Variants in PSTPIP1 observed in about 807,000 individuals in gnomAD.
The protein encoded by PSTPIP1 is proline-serine-threonine phosphatase interacting protein 1.
A neutral mutation model predicts 69.6 loss-of-function variants in PSTPIP1; 66 were observed. The ratio of observed to expected loss-of-function variants is 0.95; its 90% CI spans 0.78 to 1.16. The LOEUF is 1.16. Ranked by LOEUF, PSTPIP1 falls within the 50% of genes most tolerant of loss-of-function variation. The pLI is 0.00. For missense variants in PSTPIP1, 603 were observed against 557.4 expected, an observed-to-expected ratio of 1.08 and a Z score of -0.82; for synonymous variants, 266 against 222.7, an observed-to-expected ratio of 1.19 and a Z score of -1.73.
chr15:77,027,930 TG>T lies in PSTPIP1; in HGVS notation c.417+20del. On this transcript the variant is annotated intron_variant, in intron 6 of 14. Coordinates refer to ENST00000558012, the MANE Select transcript of PSTPIP1 (RefSeq NM_003978.5). This position sits in a 1 kb window ranked among gnomAD's most constrained non-coding sequence, Gnocchi z 4.3. ...GGCCATGGAGGTGAGCGCCAGGGCCTGGGGCCGCGGCCTTCCCTCGAGGAGC... is the reference window on the plus strand; with the variant it reads ...GGCCATGGAGGTGAGCGCCAGGGCCTGGGCCGCGGCCTTCCCTCGAGGAGC... 6.5e-7 allele frequency: 1 copy of T among 1,547,170 alleles called. No homozygotes were observed. Among genetic ancestry groups the T allele is most frequent in the Non-Finnish European group, 8.8e-7 (1 of 1,142,674 alleles).
chr15:77,031,225 GC>G lies in PSTPIP1; in HGVS notation c.691del (p.Leu231CysfsTer24). On this transcript the variant is annotated frameshift_variant, in exon 10 of 15. Coordinates refer to ENST00000558012, the MANE Select transcript of PSTPIP1 (RefSeq NM_003978.5). LOFTEE classifies it high-confidence loss of function. ...EFDRLTILRN[A>X]LWVHSNQLSM... ...TGACCGGCTGACCATTCTCCGCAAC[GC>G]CCTGTGGGTGCACAGCAACCAGCTC... 2.5e-6 allele frequency: 4 copies of G among 1,613,048 alleles called. No individual in the cohort carries two copies. Among genetic ancestry groups the G allele is most frequent in the Non-Finnish European group, 3.4e-6 (4 of 1,179,658 alleles).
At position 76,995,134 on chromosome 15, in the gene PSTPIP1, C is replaced by T; in HGVS notation, c.-440C>T. On this transcript the variant is annotated 5_prime_UTR_variant, in exon 1 of 15. Coordinates refer to ENST00000558012, the MANE Select transcript of PSTPIP1 (RefSeq NM_003978.5). Reference sequence around the variant, plus strand: ...CCCGGGGGAGGTTGCACAAACCTTCCTGCGCAGGCCTCGGGCTGCCTGCCT... The same window carrying T: ...CCCGGGGGAGGTTGCACAAACCTTCTTGCGCAGGCCTCGGGCTGCCTGCCT... The T allele has an allele frequency of 8.5e-7, 1 of 1,180,680 alleles. No individual in the cohort carries two copies. The highest frequency in any genetic ancestry group is 1.1e-6 in the Non-Finnish European group (1 of 939,098). 73.1% of individuals were successfully genotyped at this position (1,180,680 alleles called of 1,614,324 possible).
chr15:77,001,169 C>T (rs1450854748), intron 1 of PSTPIP1, among the ~76,000 whole-genome samples: 1 of 152,188 alleles, frequency 6.6e-6, no homozygotes, highest in East Asian at 1.9e-4. Flanking sequence ...TTATTCTGGA[C>T]AGTGACACCA....
rs1251331799 is a variant in PSTPIP1 at position 77,037,373 on chromosome 15, A to G, written c.*197A>G. On this transcript the variant is annotated 3_prime_UTR_variant, in exon 15 of 15. Transcript: ENST00000558012. ...TCCCGTTCTCTTTTTCTCCTGCTCC[A>G]GTGTCCGAGTGCTCAGTTCAGAGGA... The G allele has an allele frequency of 3.1e-6, 2 of 636,328 alleles. No homozygotes were observed. Among genetic ancestry groups the G allele is most frequent in the Non-Finnish European group, 5.0e-6 (2 of 398,202 alleles). 39.4% of individuals were successfully genotyped at this position (636,328 alleles called of 1,614,324 possible). A position where few individuals can be genotyped will look rare whatever the true frequency, so the allele number is the denominator to read the frequency against.
intron 3 of PSTPIP1, among the ~76,000 whole-genome samples, chr15:77,021,229 C>T (rs2076154403): frequency 6.6e-6 from 1 of 152,212 alleles, no homozygotes; most frequent in Non-Finnish European, 1.5e-5. Context: ...CCTGGAGGCT[C>T]GGGCCACTGA....
At chr15:77,035,159 G>A (rs771760145) in intron 12 of PSTPIP1, among the ~76,000 whole-genome samples, 1 of 152,212 alleles carries the variant, frequency 6.6e-6, no homozygotes, top group African/African-American at 2.4e-5. Flanking sequence ...CCTCAGTGCG[G>A]AGGTCCTAGA....
Position 77,037,456 on chromosome 15 carries a change from C to T in PSTPIP1, c.*280C>T. On this transcript the variant is annotated 3_prime_UTR_variant, in exon 15 of 15. Coordinates refer to ENST00000558012, the MANE Select transcript of PSTPIP1 (RefSeq NM_003978.5). Reference sequence around the variant, plus strand: ...GAGCTCCCCAACTCAGCCGAGGCTTCAGCTATAGTTGGAGAAGAGGCCTGG... The same window carrying T: ...GAGCTCCCCAACTCAGCCGAGGCTTTAGCTATAGTTGGAGAAGAGGCCTGG... 1 of 333,716 alleles carries T rather than the reference C, an allele frequency of 3.0e-6. No individual in the cohort carries two copies. The highest frequency in any genetic ancestry group is 5.7e-6 in the Non-Finnish European group (1 of 175,360). 20.7% of individuals were successfully genotyped at this position (333,716 alleles called of 1,614,324 possible).
intron 8 of PSTPIP1, among the ~76,000 whole-genome samples, 156 bp from the exon 9 acceptor site, chr15:77,030,346 A>T (rs1002145965): frequency 6.6e-6 from 1 of 152,172 alleles, no homozygotes; most frequent in Non-Finnish European, 1.5e-5. Context: ...GGTGGCCCTG[A>T]CGGGCATTCA....
Position 77,013,400 on chromosome 15 carries a change from T to A in PSTPIP1, c.37-4748T>A, listed in dbSNP as rs189523620. ...ACTGCACTGCCAGCTGCCTCTGGGG[T>A]CTCCATGGGGGGGTGGTGGGGCACA... is the stretch of plus-strand genomic sequence containing the variant. On this transcript the variant is annotated intron_variant, in intron 1 of 14. Coordinates refer to ENST00000558012, the MANE Select transcript of PSTPIP1 (RefSeq NM_003978.5). Among the ~76,000 whole-genome samples, 6 of 151,990 alleles carry A rather than the reference T, an allele frequency of 3.9e-5. No individual in the cohort carries two copies. In the East Asian group the frequency reaches 1.2e-3, roughly 29 times the overall value.
At chr15:77,018,970 C>A (rs563446112) in intron 3 of PSTPIP1, among the ~76,000 whole-genome samples, 35 of 152,322 alleles carry the variant, frequency 2.3e-4, no homozygotes, top group African/African-American at 8.4e-4. Flanking sequence ...CCTCACCCCC[C>A]AGCTGTCTGA....
At chr15:77,010,143 C>T (rs771190487) in intron 1 of PSTPIP1, among the ~76,000 whole-genome samples, 8 of 152,230 alleles carry the variant, frequency 5.3e-5, no homozygotes, top group African/African-American at 1.2e-4. Flanking sequence ...CCCTCACTGT[C>T]GGCCTCCTTC....
At position 77,027,316 on chromosome 15, in the gene PSTPIP1, G is replaced by A. The variant is rs566384698; in HGVS notation, c.355-536G>A. Among the ~76,000 whole-genome samples the A allele has an allele frequency of 6.6e-6, 1 of 152,180 alleles. No individual in the cohort carries two copies. The highest frequency in any genetic ancestry group is 1.5e-5 in the Non-Finnish European group (1 of 68,022). On this transcript the variant is annotated intron_variant, in intron 5 of 14. Coordinates refer to ENST00000558012, the MANE Select transcript of PSTPIP1 (RefSeq NM_003978.5). The surrounding 1 kb of genome is among the most constrained non-coding windows in gnomAD (Gnocchi z 4.3). ...TTTGGCCCCAGACCTCGGCACAGGG[G>A]CCCAGTGGCCACTGTGCCTGCATGT...
chr15:77,006,130 A>G (rs1445018981), intron 1 of PSTPIP1, among the ~76,000 whole-genome samples: 3 of 151,872 alleles, frequency 2.0e-5, no homozygotes, highest in Non-Finnish European at 4.4e-5. Flanking sequence ...ACTCTTGTTA[A>G]TTTCTGTTTT....
Position 77,031,179 on chromosome 15 carries a change from G to A in PSTPIP1, c.643-1G>A, listed in dbSNP as rs1484188990. ...GCTCACCTCCCTCCCACTGCCCCCA[G>A]GCCTTTCAGCTGCAAGAGTTTGACC... On this transcript the variant is annotated splice_acceptor_variant, in intron 9 of 14. Transcript: ENST00000558012. LOFTEE classifies it high-confidence loss of function. The A allele has an allele frequency of 2.5e-6, 4 of 1,612,194 alleles. No individual in the cohort carries two copies. Among genetic ancestry groups the A allele is most frequent in the Non-Finnish European group, 2.5e-6 (3 of 1,179,418 alleles).
rs753207002 is a variant in PSTPIP1 at position 76,995,458 on chromosome 15, G to A, written c.-116G>A. 3.7e-5 allele frequency: 58 copies of A among 1,573,102 alleles called. No individual in the cohort carries two copies. In the African/African-American group the frequency reaches 4.6e-4, roughly 12 times the overall value. On this transcript the variant is annotated 5_prime_UTR_variant, in exon 1 of 15. Coordinates refer to ENST00000558012, the MANE Select transcript of PSTPIP1 (RefSeq NM_003978.5). ...CTGAGTGTTGCAGACGGCGCCGGCCGGGAAGGGGGGCCTGGGCCAGCCCTG... is the reference window on the plus strand; with the variant it reads ...CTGAGTGTTGCAGACGGCGCCGGCCAGGAAGGGGGGCCTGGGCCAGCCCTG...
chr15:77,035,605 G>A lies in PSTPIP1; in HGVS notation c.985+42G>A, dbSNP rs778238424. 9.7e-6 allele frequency: 15 copies of A among 1,539,628 alleles called. No homozygotes were observed. Among genetic ancestry groups the A allele is most frequent in the Non-Finnish European group, 1.3e-5 (15 of 1,139,094 alleles). On this transcript the variant is annotated intron_variant, in intron 13 of 14. Transcript: ENST00000558012. ...GGGGACCCCCAAACACACTGATCCT[G>A]GGGGGGAGGAGAGGTCTCCCACATG...
At position 77,018,171 on chromosome 15, in the gene PSTPIP1, G is replaced by T. The variant is rs572721166; in HGVS notation, c.60G>T (p.Thr20=). The change falls in exon 2 of 15, where the codon ACG becomes ACT. Residue 20 remains threonine, a synonymous_variant. Coordinates refer to ENST00000558012, the MANE Select transcript of PSTPIP1 (RefSeq NM_003978.5). ...AGTGCAGGGACTTCACAGCCCACACGGGCTACGAGGTGCTGCTGCAGCGGC... is the reference window on the plus strand; with the variant it reads ...AGTGCAGGGACTTCACAGCCCACACTGGCTACGAGGTGCTGCTGCAGCGGC... ...AFWCRDFTAH[T]GYEVLLQRLL... 6.3e-6 allele frequency: 10 copies of T among 1,587,238 alleles called. No individual in the cohort carries two copies. Among genetic ancestry groups the T allele is most frequent in the Admixed American group, 1.8e-5 (1 of 55,530 alleles).
Position 77,030,520 on chromosome 15 carries a change from G to A in PSTPIP1, c.581G>A (p.Ser194Asn), listed in dbSNP as rs755267763. The A allele has an allele frequency of 1.9e-6, 3 of 1,612,656 alleles. No individual in the cohort carries two copies. The highest frequency in any genetic ancestry group is 2.5e-6 in the Non-Finnish European group (3 of 1,179,612). Residue 194 changes from serine to asparagine, a missense_variant, in exon 9 of 15, where the codon AGC becomes AAC. By Grantham distance (46) the Ser-to-Asn change is conservative (BLOSUM62 1). Coordinates refer to ENST00000558012, the MANE Select transcript of PSTPIP1 (RefSeq NM_003978.5). ...CTTTCAGAGCGGGTATACAGGCAGAGCATTGCGCAGCTGGAGAAGGTCCGG... is the reference window on the plus strand; with the variant it reads ...CTTTCAGAGCGGGTATACAGGCAGAACATTGCGCAGCTGGAGAAGGTCCGG... ...ATEAERVYRQSIAQLEKVRAE... is the reference protein window; with the variant it reads ...ATEAERVYRQNIAQLEKVRAE...
In PSTPIP1 at chr15:77,027,867, G is replaced by T; in HGVS notation, c.370G>T (p.Asp124Tyr). 3 of 1,569,218 alleles carry T rather than the reference G, an allele frequency of 1.9e-6. No homozygotes were observed. Among genetic ancestry groups the T allele is most frequent in the South Asian group, 2.4e-5 (2 of 85,026 alleles). The change falls in exon 6 of 15, where the codon GAC (aspartate) becomes TAC (tyrosine). Residue 124 changes from aspartate to tyrosine, a missense_variant. Coordinates refer to ENST00000558012, the MANE Select transcript of PSTPIP1 (RefSeq NM_003978.5). The surrounding 1 kb of genome is among the most constrained non-coding windows in gnomAD (Gnocchi z 4.3). Reference protein sequence around the residue: ...EQRKKYEAVMDRVQKSKLSLY... With the variant: ...EQRKKYEAVMYRVQKSKLSLY... ...TCCCCTGCAGTATGAGGCCGTCATG[G>T]ACCGGGTCCAGAAGAGCAAGCTGTC...
Sources: allele counts gnomAD v4.1 joint callset (sites outside exome capture counted in the v4.1 genomes callset), GRCh38; gene constraint gnomAD v4.1.1; non-coding constraint Gnocchi (gnomAD v3.1); transcripts MANE v1.5; gene names NCBI Gene and HGNC (gene_info 2026-07-23, HGNC 2026-07-21).